Variants in GGT5 observed in about 807,000 individuals in gnomAD.
GGT5 encodes the protein glutathione hydrolase 5 proenzyme.
Under a neutral mutation model 58.1 loss-of-function variants are expected in GGT5, and 50 were observed. The ratio of observed to expected loss-of-function variants is 0.86; its 90% CI spans 0.69 to 1.09. The LOEUF is 1.09. Among genes scored for constraint, GGT5 ranks in the 50% least tolerant of loss-of-function variants. GGT5 has a pLI of 0.00. For missense variants in GGT5, 800 were observed against 789.4 expected, an observed-to-expected ratio of 1.01 and a Z score of -0.16; for synonymous variants, 370 against 346.1, an observed-to-expected ratio of 1.07 and a Z score of -0.77.
chr22:24,238,026 G>A (rs1403707686), intron 1 of GGT5, among the ~76,000 whole-genome samples: 1 of 151,894 alleles, frequency 6.6e-6, no homozygotes, highest in Non-Finnish European at 1.5e-5. Context: ...TCAGGAGTTC[G>A]AGACCAGCCT....
Position 24,219,985 on chromosome 22 carries a change from C to G in GGT5, c.1746G>C (p.Glu582Asp). 1 of 1,614,122 alleles carries G rather than the reference C, an allele frequency of 6.2e-7. No individual in the cohort carries two copies. The highest frequency in any genetic ancestry group is 8.5e-7 in the Non-Finnish European group (1 of 1,179,986). ...GAGCAGTGTCTTAGTAGCCTGCGGC[C>G]TCCCCACTCTTCCTCAGGTCCGAGA... ...YAVSDLRKSG[E>D]AAGY The change falls in exon 12 of 12, where the codon GAG (glutamate) becomes GAC (aspartate). Residue 582 changes from glutamate to aspartate, a missense_variant. Transcript: ENST00000327365.
At chr22:24,232,700 G>T in intron 4 of GGT5, 123 bp downstream of exon 4, 1 of 605,708 alleles carries the variant, frequency 1.7e-6, no homozygotes, top group South Asian at 3.6e-5. Context: ...CTTTGTCCTG[G>T]CCAGCACCCC....
chr22:24,236,413 G>A (rs1397034156), intron 1 of GGT5, among the ~76,000 whole-genome samples: 1 of 152,084 alleles, frequency 6.6e-6, no homozygotes, highest in Non-Finnish European at 1.5e-5. Context: ...CTGGGTTATT[G>A]CAATGGCCTC....
In GGT5 at chr22:24,226,701, A is replaced by G. The variant is rs1474434817; in HGVS notation, c.968T>C (p.Val323Ala). The part of the protein sequence containing the change: ...EGRVNVYHHL[V>A]ETLKFAKGQR... ...CCCCTTGGCAAACTTGAGCGTCTCT[A>G]CAAGGTGGTGGTACACGTTCACCCT... Residue 323 changes from valine to alanine, a missense_variant, in exon 7 of 12, where the codon GTA becomes GCA. Physicochemically the swap from Val to Ala is moderately conservative, Grantham distance 64 (BLOSUM62 0). Transcript: ENST00000327365. 3.1e-6 allele frequency: 5 copies of G among 1,613,784 alleles called. No homozygotes were observed. The highest frequency in any genetic ancestry group is 2.2e-5 in the East Asian group (1 of 44,866).
intron 1 of GGT5, chr22:24,244,182 A>T (rs1232033942): frequency 4.8e-6 from 1 of 210,518 alleles, no homozygotes; most frequent in Non-Finnish European, 9.6e-6. Flanking sequence ...CCCCACGAGC[A>T]CACCCTGCCA....
chr22:24,232,481 C>T (rs575144897), intron 4 of GGT5, among the ~76,000 whole-genome samples: 1 of 152,220 alleles, frequency 6.6e-6, no homozygotes, highest in African/African-American at 2.4e-5. Context: ...CTGGGAGGGC[C>T]TGTCAGTGGG....
Position 24,220,092 on chromosome 22 carries a change from G to C in GGT5, c.1639C>G (p.Arg547Gly), listed in dbSNP as rs141594970. ...GGCCTCTGGGTCTGGTTCTGGCCAC[G>C]GTCTTGGAGTCCCCTCTGCACCTCC... ...SQEVQRGLQD[R>G]GQNQTQRPFF... Residue 547 changes from arginine (R) to glycine (G), a missense_variant, in exon 12 of 12, where the codon CGT becomes GGT. By Grantham distance (125) the Arg-to-Gly change is moderately radical (BLOSUM62 -2). Transcript: ENST00000327365. The C allele has an allele frequency of 1.9e-6, 3 of 1,614,178 alleles. No homozygotes were observed. The highest frequency in any genetic ancestry group is 1.7e-6 in the Non-Finnish European group (2 of 1,180,018).
chr22:24,226,246 C>A lies in GGT5; in HGVS notation c.1059G>T (p.Leu353=). The A allele has an allele frequency of 1.9e-6, 3 of 1,604,202 alleles. No individual in the cohort carries two copies. The highest frequency in any genetic ancestry group is 2.2e-5 in the South Asian group (2 of 90,594). The change falls in exon 8 of 12, where the codon CTG becomes CTT. Residue 353 remains leucine (L), a synonymous_variant. Coordinates refer to ENST00000327365, the MANE Select transcript of GGT5 (RefSeq NM_004121.5). ...GGATGAGCTGGGCCAGGGTCTCCCC[C>A]AGCAGGTCCCGGGAGGCATTCTGGG... The part of the protein sequence containing the change: ...PKLQNASRDL[L]GETLAQLIRQ...
chr22:24,230,538 A>G (rs1015363033), intron 6 of GGT5, among the ~76,000 whole-genome samples: 5 of 152,082 alleles, frequency 3.3e-5, no homozygotes, highest in African/African-American at 1.2e-4. Context: ...ACCCTAGGCG[A>G]CAGAGCAAGA....
chr22:24,223,688 G>A (rs547488387), intron 11 of GGT5, among the ~76,000 whole-genome samples: 1 of 151,212 alleles, frequency 6.6e-6, no homozygotes, highest in East Asian at 2.0e-4. Context: ...AGGTGGACTT[G>A]AGACCGAAGA....
intron 11 of GGT5, among the ~76,000 whole-genome samples, chr22:24,224,607 A>G (rs1669517925): frequency 6.6e-6 from 1 of 152,226 alleles, no homozygotes; most frequent in African/African-American, 2.4e-5. Flanking sequence ...GTCACAGGAA[A>G]AACAACCTCT....
chr22:24,237,228 T>TG lies in GGT5; in HGVS notation c.174-3225dup, dbSNP rs1486758859. Among the ~76,000 whole-genome samples the TG allele has an allele frequency of 2.0e-5, 3 of 152,050 alleles. No individual in the cohort carries two copies. The East Asian group carries it at 5.8e-4, about 29-fold the overall frequency. ...GAGCAGTGCTGTTGACCTACTCATG[T>TG]GCTGAGGGAGGGGATGCCATAATGC... is the stretch of plus-strand genomic sequence containing the variant. On this transcript the variant is annotated intron_variant, in intron 1 of 11. Coordinates refer to ENST00000327365, the MANE Select transcript of GGT5 (RefSeq NM_004121.5).
Position 24,219,914 on chromosome 22 carries a change from G to C in GGT5, c.*56C>G. ...GTAGTTGGTCCCCCAGCCATGTCCGGCCTGGACACAGGACTCATGGTGGGG... is the reference window on the plus strand; with the variant it reads ...GTAGTTGGTCCCCCAGCCATGTCCGCCCTGGACACAGGACTCATGGTGGGG... On this transcript the variant is annotated 3_prime_UTR_variant, in exon 12 of 12. Transcript: ENST00000327365. 1 of 1,574,176 alleles carries C rather than the reference G, an allele frequency of 6.4e-7. No individual in the cohort carries two copies. Among genetic ancestry groups the C allele is most frequent in the Non-Finnish European group, 8.7e-7 (1 of 1,147,116 alleles).
At chr22:24,235,146 C>A (rs76190374) in intron 1 of GGT5, among the ~76,000 whole-genome samples, 7,264 of 149,784 alleles carry the variant, frequency 0.048, 233 homozygotes, top group South Asian at 0.084. Flanking sequence ...TGCAACCTCG[C>A]CTCCCGGATT....
chr22:24,226,264 A>T lies in GGT5; in HGVS notation c.1041T>A (p.Asn347Lys), dbSNP rs778504770. Reference protein sequence around the residue: ...GDPRSHPKLQNASRDLLGETL... With the variant: ...GDPRSHPKLQKASRDLLGETL... ...TCTCCCCCAGCAGGTCCCGGGAGGC[A>T]TTCTGGGGTGGGTGGGCAGGTGGCA... The change falls in exon 8 of 12, where the codon AAT becomes AAA. Residue 347 changes from asparagine to lysine, a missense_variant and splice_region_variant. Asn to Lys is a moderately conservative substitution (Grantham distance 94, BLOSUM62 0). Transcript: ENST00000327365. 20 of 1,583,334 alleles carry T rather than the reference A, an allele frequency of 1.3e-5. No homozygotes were observed. Among genetic ancestry groups the T allele is most frequent in the Non-Finnish European group, 1.7e-5 (20 of 1,164,818 alleles).
chr22:24,232,261 C>G (rs1428967533), intron 4 of GGT5, 53 bp from the exon 5 acceptor site: 6 of 1,111,938 alleles, frequency 5.4e-6, no homozygotes, highest in South Asian at 4.6e-5. Context: ...GGCAGCCACA[C>G]TCTTCCGGGG....
rs567555612 is a variant in GGT5, at chr22:24,232,835, G to C, written c.584C>G (p.Ala195Gly). 24 of 1,536,598 alleles carry C rather than the reference G, an allele frequency of 1.6e-5. No homozygotes were observed. Among genetic ancestry groups the C allele is most frequent in the Non-Finnish European group, 2.1e-5 (24 of 1,136,986 alleles). ...ATGTGGGGCTCACCGCAGGGTTGAC[G>C]CCTGCAAGGAAGGCCGCAGGATGCT... ...HNSILRPSLQ[A>G]STLRQLFFNG... The change falls in exon 4 of 12, where the codon GCG becomes GGG. Residue 195 changes from alanine to glycine, a missense_variant. Ala to Gly is a moderately conservative substitution (Grantham distance 60). Coordinates refer to ENST00000327365, the MANE Select transcript of GGT5 (RefSeq NM_004121.5).
rs1358362045 is a variant in GGT5, at chr22:24,225,630, G to A, written c.1252C>T (p.Pro418Ser). ...TTGTTGAGGATGATGCCTGTCCGTG[G>A]TGAATACACCATCGCTCCAAAGCTG... ...NTPFGAMVYS[P>S]RTGIILNNEL... Residue 418 changes from proline to serine, a missense_variant, in exon 9 of 12, where the codon CCA (proline) becomes TCA (serine). Transcript: ENST00000327365. 1 of 1,611,604 alleles carries A rather than the reference G, an allele frequency of 6.2e-7. No homozygotes were observed.
At chr22:24,235,560 G>A (rs897025517) in intron 1 of GGT5, among the ~76,000 whole-genome samples, 5 of 152,154 alleles carry the variant, frequency 3.3e-5, no homozygotes, top group Admixed American at 6.5e-5. Flanking sequence ...GGGCCCACAC[G>A]TGGCACACAT....
Sources: allele counts gnomAD v4.1 joint callset (sites outside exome capture counted in the v4.1 genomes callset), GRCh38; gene constraint gnomAD v4.1.1; transcripts MANE v1.5; gene names NCBI Gene and HGNC (gene_info 2026-07-23, HGNC 2026-07-21).